ZWINT: variants seen among roughly 807,000 people sequenced by gnomAD.
The protein encoded by ZWINT is ZW10 interacting kinetochore protein.
ZWINT carries 41 observed loss-of-function variants against 41.5 expected under a neutral mutation model. The ratio of observed to expected loss-of-function variants is 0.99; its 90% confidence interval spans 0.77 to 1.28. ZWINT has a LOEUF of 1.28. Among genes scored for constraint, ZWINT ranks in the 50% most tolerant of loss-of-function variants. The pLI, the probability that ZWINT is intolerant of heterozygous loss-of-function variation, is 0.00. For missense variants in ZWINT, 369 were observed against 329.7 expected (o/e 1.12, Z -0.92); for synonymous variants, 132 against 126.8 (o/e 1.04, Z -0.28).
rs1838330748 is a variant in ZWINT at position 56,361,225 on chromosome 10, C to CGAT, written c.11_12insATC (p.Ala4_Glu5insSer). On this transcript the variant is annotated inframe_insertion, in exon 1 of 9. Coordinates refer to ENST00000373944, the MANE Select transcript of ZWINT (RefSeq NM_007057.4). ...GGGCTGCAGCTTCCGCCTCTGTCTC[C>CGAT]GCTGCCTCCATCTTTCCAGGCGCCG... 3 of 1,612,770 alleles carry CGAT rather than the reference C, an allele frequency of 1.9e-6. No homozygotes were observed. The Admixed American group carries it at 5.0e-5, about 27-fold the overall frequency.
Position 56,358,067 on chromosome 10 carries a change from C to T in ZWINT, c.*160G>A, listed in dbSNP as rs1838212350. The T allele has an allele frequency of 3.4e-6, 2 of 586,940 alleles. No individual in the cohort carries two copies. The highest frequency in any genetic ancestry group is 6.8e-6 in the Non-Finnish European group (2 of 295,364). 36.4% of individuals were successfully genotyped at this position (586,940 alleles called of 1,614,324 possible). ...GAACAAATACACAACTGAGAGAGATCCAGGGATTTTAATCCACAGATGCCA... is the reference window on the plus strand; with the variant it reads ...GAACAAATACACAACTGAGAGAGATTCAGGGATTTTAATCCACAGATGCCA... On this transcript the variant is annotated 3_prime_UTR_variant, in exon 9 of 9. Transcript: ENST00000373944.
Position 56,359,681 on chromosome 10 carries a change from G to T in ZWINT, c.423+6C>A. The T allele has an allele frequency of 6.2e-7, 1 of 1,614,068 alleles. No individual in the cohort carries two copies. Among genetic ancestry groups the T allele is most frequent in the African/African-American group, 1.3e-5 (1 of 75,000 alleles). ...CCCTCCCTGTACTCAAGACCCCTGG[G>T]TGTACCTTGGCCTGGAGCTGCTCAA... On this transcript the variant is annotated splice_donor_region_variant and intron_variant, in intron 4 of 8. Coordinates refer to ENST00000373944, the MANE Select transcript of ZWINT (RefSeq NM_007057.4).
At chr10:56,361,159 G>A (rs910362569) in intron 1 of ZWINT, 37 bp downstream of exon 1, 4 of 1,611,556 alleles carry the variant, frequency 2.5e-6, no homozygotes, top group Non-Finnish European at 2.5e-6. Context: ...GTCCTCCCAG[G>A]CCCGGCCCCA....
In ZWINT at chr10:56,358,950, G is replaced by A. The variant is rs1380165196; in HGVS notation, c.481-3C>T. On this transcript the variant is annotated splice_region_variant and splice_polypyrimidine_tract_variant and intron_variant, in intron 5 of 8. Coordinates refer to ENST00000373944, the MANE Select transcript of ZWINT (RefSeq NM_007057.4). ...GCCAGATGCTGCAGATGCTTCTCCT[G>A]CCAGGAGTGAGCATGCAGACATTAT... 4 of 1,613,796 alleles carry A rather than the reference G, an allele frequency of 2.5e-6. No individual in the cohort carries two copies. The highest frequency in any genetic ancestry group is 3.4e-6 in the Non-Finnish European group (4 of 1,179,954).
In ZWINT at chr10:56,361,201, G is replaced by A; in HGVS notation, c.36C>T (p.Ala12=). The A allele has an allele frequency of 1.2e-6, 2 of 1,613,246 alleles. No individual in the cohort carries two copies. The highest frequency in any genetic ancestry group is 2.2e-5 in the East Asian group (1 of 44,884). The change falls in exon 1 of 9, where the codon GCC becomes GCT. Residue 12 remains alanine (A), a synonymous_variant. Transcript: ENST00000373944. ...ACTTAGCCGCAAACACTTACTCTAG[G>A]GCTGCAGCTTCCGCCTCTGTCTCCG... The part of the protein sequence containing the change: ...EAAETEAEAA[A]LEVLAEVAGI...
rs933171083 is a variant in ZWINT, at chr10:56,358,071, G to A, written c.*156C>T. ...AAATACACAACTGAGAGAGATCCAG[G>A]GATTTTAATCCACAGATGCCAGAGC... On this transcript the variant is annotated 3_prime_UTR_variant, in exon 9 of 9. Coordinates refer to ENST00000373944, the MANE Select transcript of ZWINT (RefSeq NM_007057.4). 1 of 592,712 alleles carries A rather than the reference G, an allele frequency of 1.7e-6. No homozygotes were observed. The highest frequency in any genetic ancestry group is 3.3e-6 in the Non-Finnish European group (1 of 299,072). The allele number at this position is 592,712 out of a possible 1,614,324, so 36.7% of individuals were successfully genotyped here. A position where few individuals can be genotyped will look rare whatever the true frequency, so the allele number is the denominator to read the frequency against.
rs561862977 is a variant in ZWINT, at chr10:56,359,195, G to A, written c.481-248C>T. Among the ~76,000 whole-genome samples the A allele has an allele frequency of 1.4e-4, 21 of 152,290 alleles. No individual in the cohort carries two copies. In the South Asian group the frequency reaches 2.3e-3, roughly 17 times the overall value. Reference sequence around the variant, plus strand: ...ACTTATTTAACTTGCTATGTGCCAGGTACTATTTTAAAGTCCTTGCTGTAA... The same window carrying A: ...ACTTATTTAACTTGCTATGTGCCAGATACTATTTTAAAGTCCTTGCTGTAA... On this transcript the variant is annotated intron_variant, in intron 5 of 8. Coordinates refer to ENST00000373944, the MANE Select transcript of ZWINT (RefSeq NM_007057.4).
At chr10:56,359,265 A>G (rs1379191730) in intron 5 of ZWINT, among the ~76,000 whole-genome samples, 1 of 152,202 alleles carries the variant, frequency 6.6e-6, no homozygotes, top group Non-Finnish European at 1.5e-5. Flanking sequence ...AGGTGGTATT[A>G]TTGCCTTCAT....
chr10:56,361,085 G>A, intron 1 of ZWINT, 111 bp downstream of exon 1: 1 of 1,226,422 alleles, frequency 8.2e-7, no homozygotes, highest in East Asian at 2.5e-5. Flanking sequence ...CTTCACGGCA[G>A]GGTCGAACCT....
Position 56,357,677 on chromosome 10 carries a change from G to A in ZWINT, c.*550C>T, listed in dbSNP as rs1248444855. On this transcript the variant is annotated 3_prime_UTR_variant, in exon 9 of 9. Transcript: ENST00000373944. ...TAATAAATGAACATCTGAAACCAGT[G>A]ATCGAGAAATGTTTTAGATAAGGCA... 1 of 185,298 alleles carries A rather than the reference G, an allele frequency of 5.4e-6. No individual in the cohort carries two copies. Among genetic ancestry groups the A allele is most frequent in the East Asian group, 1.7e-4 (1 of 5,924 alleles). 11.5% of individuals were successfully genotyped at this position (185,298 alleles called of 1,614,324 possible). A position where few individuals can be genotyped will look rare whatever the true frequency, so the allele number is the denominator to read the frequency against.
In ZWINT at chr10:56,358,370, G is replaced by C; in HGVS notation, c.*41+7C>G. 6.2e-7 allele frequency: 1 copy of C among 1,610,462 alleles called. No homozygotes were observed. Among genetic ancestry groups the C allele is most frequent in the Non-Finnish European group, 8.5e-7 (1 of 1,176,736 alleles). ...CCAGGGACACCAAGGCCTGAGTTGG[G>C]TCTGACCTTTTCTAGGATCTTTCTC... On this transcript the variant is annotated splice_region_variant and intron_variant, in intron 8 of 8. Transcript: ENST00000373944.
rs1297898388 is a variant in ZWINT at position 56,357,857 on chromosome 10, A to AACC, written c.*367_*369dup. 8.5e-6 allele frequency: 3 copies of AACC among 351,834 alleles called. No homozygotes were observed. Among genetic ancestry groups the AACC allele is most frequent in the African/African-American group, 6.4e-5 (3 of 46,698 alleles). The allele number at this position is 351,834 out of a possible 1,614,324, so 21.8% of individuals were successfully genotyped here. On this transcript the variant is annotated 3_prime_UTR_variant, in exon 9 of 9. Transcript: ENST00000373944. ...TGAATAAAATTATCTTCCCACATAT[A>AACC]ACCACCTGCCTAAAACATTCTCCTC...
At chr10:56,359,615 C>T in intron 4 of ZWINT, 72 bp downstream of exon 4, 1 of 1,597,112 alleles carries the variant, frequency 6.3e-7, no homozygotes, top group Non-Finnish European at 8.5e-7. Flanking sequence ...TGGCACAACT[C>T]AGCTTGCTCA....
rs920969517 is a variant in ZWINT, at chr10:56,358,033, T to C, written c.*194A>G. 1.8e-6 allele frequency: 1 copy of C among 549,038 alleles called. No homozygotes were observed. The highest frequency in any genetic ancestry group is 1.9e-5 in the African/African-American group (1 of 52,866). 34.0% of individuals were successfully genotyped at this position (549,038 alleles called of 1,614,324 possible). ...GTATTAATAGTTGTTCCTGCCAGCA[T>C]ATGAAGATGAACAAATACACAACTG... On this transcript the variant is annotated 3_prime_UTR_variant, in exon 9 of 9. Transcript: ENST00000373944.
Position 56,358,199 on chromosome 10 carries a change from C to T in ZWINT, c.*42-14G>A, listed in dbSNP as rs769226250. The T allele has an allele frequency of 5.2e-6, 4 of 768,598 alleles. No homozygotes were observed. Among genetic ancestry groups the T allele is most frequent in the East Asian group, 2.5e-5 (1 of 39,744 alleles). The allele number at this position is 768,598 out of a possible 1,614,324, so 47.6% of individuals were successfully genotyped here. A position where few individuals can be genotyped will look rare whatever the true frequency, so the allele number is the denominator to read the frequency against. On this transcript the variant is annotated splice_polypyrimidine_tract_variant and intron_variant, in intron 8 of 8. Transcript: ENST00000373944. ...GAAGTCAGAGGCCTGGGGAAGAAGACAGGGGTTAGCTCTGGGTGGGCTAAG... is the reference window on the plus strand; with the variant it reads ...GAAGTCAGAGGCCTGGGGAAGAAGATAGGGGTTAGCTCTGGGTGGGCTAAG...
At chr10:56,360,242 G>A in intron 2 of ZWINT, 51 bp downstream of exon 2, 2 of 1,611,616 alleles carry the variant, frequency 1.2e-6, no homozygotes, top group Non-Finnish European at 1.7e-6. Context: ...AGTAAGAGGA[G>A]CCAGGACCAG....
intron 1 of ZWINT, 33 bp downstream of exon 1, chr10:56,361,163 G>A (rs372521933): frequency 8.9e-5 from 144 of 1,612,050 alleles, no homozygotes; most frequent in Non-Finnish European, 9.3e-6. Flanking sequence ...TCCCAGGCCC[G>A]GCCCCAGCTG....
At chr10:56,359,580 G>A (rs1247689623) in intron 4 of ZWINT, 48 bp from the exon 5 acceptor site, 5 of 1,567,548 alleles carry the variant, frequency 3.2e-6, no homozygotes, top group Non-Finnish European at 4.3e-6. Flanking sequence ...ATTTTTTCTG[G>A]CTAGAATTTT....
In ZWINT at chr10:56,358,700, C is replaced by G; in HGVS notation, c.648G>C (p.Leu216=). 1 of 1,614,090 alleles carries G rather than the reference C, an allele frequency of 6.2e-7. No individual in the cohort carries two copies. Among genetic ancestry groups the G allele is most frequent in the Non-Finnish European group, 8.5e-7 (1 of 1,180,022 alleles). Residue 216 remains leucine, a synonymous_variant, in exon 7 of 9, where the codon CTG becomes CTC. Coordinates refer to ENST00000373944, the MANE Select transcript of ZWINT (RefSeq NM_007057.4). ...ACAACAGCTTACCCTGCAGGGTATA[C>G]AGAAGCTGGAGGAAGGTCTGATACC... is the stretch of plus-strand genomic sequence containing the variant. ...LQRYQTFLQL[L]YTLQGKLLFP...
Sources: allele counts gnomAD v4.1 joint callset (sites outside exome capture counted in the v4.1 genomes callset), GRCh38; gene constraint gnomAD v4.1.1; transcripts MANE v1.5; gene names NCBI Gene and HGNC (gene_info 2026-07-23, HGNC 2026-07-21).